The following MCM9 variants were observed in gnomAD, a reference collection of about 807,000 sequenced individuals.
MCM9 encodes DNA helicase MCM9.
MCM9 carries 55 observed loss-of-function variants against 72.8 expected under a neutral mutation model. The observed-to-expected ratio is 0.76, with a 90% CI of 0.61 to 0.95. The LOEUF is 0.95. Ranked by LOEUF, MCM9 falls within the 40% of genes least tolerant of loss-of-function variation. The pLI is 0.00. For missense variants in MCM9, 1,279 were observed against 1,377.0 expected, an observed-to-expected ratio of 0.93 and a Z score of 1.13; for synonymous variants, 480 against 503.4, an observed-to-expected ratio of 0.95 and a Z score of 0.62.
chr6:118,891,633 C>T (rs181258905), intron 8 of MCM9, among the ~76,000 whole-genome samples: 70 of 152,152 alleles, frequency 4.6e-4, no homozygotes, highest in Admixed American at 3.1e-3. Flanking sequence ...AGATTAGGGC[C>T]CACCCCAATC....
rs188650639 is a variant in MCM9 at position 118,922,122 on chromosome 6, T to G, written c.622-36A>C. ...AAAGAAAACAGATTCTGAGTATGCT[T>G]AAATACATGTTAAGTATCCAGAAGT... is the stretch of plus-strand genomic sequence containing the variant. On this transcript the variant is annotated intron_variant, in intron 4 of 13. Transcript: ENST00000619706. 6.0e-6 allele frequency: 9 copies of G among 1,497,016 alleles called. No individual in the cohort carries two copies. In the East Asian group the frequency reaches 2.1e-4, roughly 34 times the overall value. The allele number at this position is 1,497,016 out of a possible 1,614,324, so 92.7% of individuals were successfully genotyped here.
chr6:118,910,388 AC>A (rs1185357556), intron 8 of MCM9, among the ~76,000 whole-genome samples: 1 of 152,112 alleles, frequency 6.6e-6, no homozygotes, highest in Non-Finnish European at 1.5e-5. Context: ...TATTCCCTAT[AC>A]TTGTTCTCTC....
chr6:118,873,198 G>A (rs1777718040), intron 8 of MCM9, among the ~76,000 whole-genome samples: 1 of 65,928 alleles, frequency 1.5e-5, no homozygotes, highest in East Asian at 4.3e-4. Context: ...GGAGAGGAGG[G>A]GAGGGGAGGG....
intron 8 of MCM9, among the ~76,000 whole-genome samples, chr6:118,904,416 C>T (rs1366160290): frequency 2.0e-5 from 3 of 152,218 alleles, no homozygotes; most frequent in Admixed American, 6.5e-5. Flanking sequence ...CAGGAATATT[C>T]CTTGGTGCCC....
rs529437080 is a variant in MCM9 at position 118,829,268 on chromosome 6, A to G, written c.1326-18T>C. Reference sequence around the variant, plus strand: ...ACACGAGGCTGCCAGGAGAGACAGTACAATTCACTGATTGTGAGGTTCAGA... The same window carrying G: ...ACACGAGGCTGCCAGGAGAGACAGTGCAATTCACTGATTGTGAGGTTCAGA... On this transcript the variant is annotated intron_variant, in intron 9 of 13. Transcript: ENST00000619706. The G allele has an allele frequency of 8.5e-6, 13 of 1,533,426 alleles. No homozygotes were observed. The South Asian group carries it at 1.6e-4, about 18-fold the overall frequency. 95.0% of individuals were successfully genotyped at this position (1,533,426 alleles called of 1,614,324 possible).
chr6:118,839,034 A>G (rs1775169629), intron 9 of MCM9, among the ~76,000 whole-genome samples: 1 of 152,008 alleles, frequency 6.6e-6, no homozygotes, highest in South Asian at 2.1e-4. Context: ...ACTTGGTTCC[A>G]TTCTCCCTGT....
At chr6:118,843,641 C>T (rs1428073201) in intron 9 of MCM9, among the ~76,000 whole-genome samples, 4 of 66,270 alleles carry the variant, frequency 6.0e-5, no homozygotes, top group South Asian at 8.9e-4. Flanking sequence ...CAAAACAAAA[C>T]ATATATATAT....
intron 3 of MCM9, among the ~76,000 whole-genome samples, chr6:118,927,443 A>G (rs1781989121): frequency 6.6e-6 from 1 of 152,136 alleles, no homozygotes; most frequent in Admixed American, 6.5e-5. Context: ...ATCTCTACTA[A>G]AAATACAAAT....
intron 13 of MCM9, among the ~76,000 whole-genome samples, chr6:118,823,834 G>T (rs1010326755): frequency 7.9e-5 from 12 of 151,550 alleles, no homozygotes; most frequent in African/African-American, 2.4e-4. Context: ...ACATTAAAAT[G>T]TTAATGGTAT....
chr6:118,924,054 G>A lies in MCM9; in HGVS notation c.378C>T (p.Val126=). 1 of 1,614,164 alleles carries A rather than the reference G, an allele frequency of 6.2e-7. No homozygotes were observed. The highest frequency in any genetic ancestry group is 1.7e-5 in the Admixed American group (1 of 60,014). The part of the protein sequence containing the change: ...KTKDVGHFLS[V]TGTVIRTSLV... Reference sequence around the variant, plus strand: ...GACTTGTTCGAATCACTGTCCCAGTGACAGATAAAAAGTGTCCCACATCCT... The same window carrying A: ...GACTTGTTCGAATCACTGTCCCAGTAACAGATAAAAAGTGTCCCACATCCT... The change falls in exon 4 of 14, where the codon GTC becomes GTT. Residue 126 remains valine, a synonymous_variant. Coordinates refer to ENST00000619706, the MANE Select transcript of MCM9 (RefSeq NM_017696.3).
intron 8 of MCM9, among the ~76,000 whole-genome samples, chr6:118,860,090 AT>A (rs1776806996): frequency 1.3e-5 from 2 of 152,366 alleles, no homozygotes; most frequent in Middle Eastern, 6.8e-3. Flanking sequence ...CAACAAAAAA[AT>A]TGCAAGGCAT....
chr6:118,869,599 CAAAAAA>C lies in MCM9; in HGVS notation c.1151-13060_1151-13055del. ...AGAGGAAAAAGAAACAAAGGATTTA[CAAAAAA>C]AAAAAAAAAAAAAAGAAGCCAATTT... On this transcript the variant is annotated intron_variant, in intron 8 of 13. Transcript: ENST00000619706. 6.9e-5 allele frequency among the ~76,000 whole-genome samples: 4 copies of C among 58,298 alleles called. 1 individual carries two copies. Among genetic ancestry groups the C allele is most frequent in the East Asian group, 6.0e-4 (1 of 1,674 alleles). The allele number at this position is 58,298 out of a possible 152,430, so 38.2% of individuals were successfully genotyped here.
intron 8 of MCM9, chr6:118,900,618 T>C: frequency 1.6e-6 from 1 of 629,094 alleles, no homozygotes; most frequent in East Asian, 2.6e-5. Flanking sequence ...AGGAACTTTA[T>C]AAGGAGCATT....
In MCM9 at chr6:118,923,983, C is replaced by T; in HGVS notation, c.449G>A (p.Cys150Tyr). Residue 150 changes from cysteine to tyrosine, a missense_variant, in exon 4 of 14, where the codon TGC becomes TAC. Cys to Tyr is a radical substitution (Grantham distance 194). Transcript: ENST00000619706. The stretch of plus-strand genomic sequence containing the variant: ...AGCCTTGATCACAAACACATGCTTG[C>T]ATTTGTTACACATGTAATCCCGCTC... ...EFERDYMCNKCKHVFVIKADF... is the reference protein window; with the variant it reads ...EFERDYMCNKYKHVFVIKADF... 4 of 1,614,184 alleles carry T rather than the reference C, an allele frequency of 2.5e-6. No homozygotes were observed. The highest frequency in any genetic ancestry group is 3.4e-6 in the Non-Finnish European group (4 of 1,180,028).
intron 8 of MCM9, among the ~76,000 whole-genome samples, chr6:118,877,844 G>A (rs149314456): frequency 0.01 from 1,583 of 152,260 alleles, 29 homozygotes; most frequent in African/African-American, 0.036. Flanking sequence ...TATTCAGACC[G>A]TGGAATAATG....
At chr6:118,825,868 C>G (rs1774134640) in intron 13 of MCM9, among the ~76,000 whole-genome samples, 1 of 152,284 alleles carries the variant, frequency 6.6e-6, no homozygotes, top group South Asian at 2.1e-4. Context: ...CAAAGACAAG[C>G]TATCCCCACC....
At chr6:118,859,037 C>T (rs1776745770) in intron 8 of MCM9, among the ~76,000 whole-genome samples, 1 of 152,138 alleles carries the variant, frequency 6.6e-6, no homozygotes, top group South Asian at 2.1e-4. Context: ...GTAATCAAAT[C>T]AGTGTGGTAC....
rs757098716 is a variant in MCM9, at chr6:118,923,801, GATT to G, written c.621+7_621+9del. 6.2e-7 allele frequency: 1 copy of G among 1,608,342 alleles called. No individual in the cohort carries two copies. The highest frequency in any genetic ancestry group is 1.1e-5 in the South Asian group (1 of 90,898). On this transcript the variant is annotated splice_region_variant and intron_variant, in intron 4 of 13. Transcript: ENST00000619706. The stretch of plus-strand genomic sequence containing the variant: ...TCAAATTTATTTATCTCGTTTATGT[GATT>G]ATTTACCTGTTCCTGAATTTTGATT...
At chr6:118,838,609 A>G (rs1371259925) in intron 9 of MCM9, among the ~76,000 whole-genome samples, 3 of 142,154 alleles carry the variant, frequency 2.1e-5, no homozygotes, top group African/African-American at 2.6e-5. Context: ...TTTTATTAGA[A>G]ACAGGGTTTC....
Sources: allele counts gnomAD v4.1 joint callset (sites outside exome capture counted in the v4.1 genomes callset), GRCh38; gene constraint gnomAD v4.1.1; transcripts MANE v1.5; gene names NCBI Gene and HGNC (gene_info 2026-07-23, HGNC 2026-07-21).